Variants in SLC44A1 observed in about 807,000 individuals in gnomAD.
SLC44A1 encodes the protein choline transporter-like protein 1.
A neutral mutation model predicts 79.3 loss-of-function variants in SLC44A1; 26 were observed. The observed-to-expected ratio is 0.33, with a 90% CI of 0.24 to 0.46. SLC44A1 has a LOEUF of 0.46. Among genes scored for constraint, SLC44A1 ranks in the 20% least tolerant of loss-of-function variants. The pLI is 1.00. For missense variants in SLC44A1, 688 were observed against 798.1 expected, an observed-to-expected ratio of 0.86 and a Z score of 1.66; for synonymous variants, 263 against 286.2, an observed-to-expected ratio of 0.92 and a Z score of 0.82.
intron 3 of SLC44A1, among the ~76,000 whole-genome samples, chr9:105,332,561 GA>G (rs1826785101): frequency 6.6e-6 from 1 of 152,156 alleles, no homozygotes; most frequent in African/African-American, 2.4e-5. Context: ...TACACAGGCT[GA>G]AAAATGTGCA....
chr9:105,245,492 G>T (rs921465621), intron 1 of SLC44A1, among the ~76,000 whole-genome samples: 1 of 152,156 alleles, frequency 6.6e-6, no homozygotes, highest in Non-Finnish European at 1.5e-5. Flanking sequence ...GGCCCGCTCC[G>T]CAGACCTCGC....
intron 15 of SLC44A1, among the ~76,000 whole-genome samples, chr9:105,405,657 T>C (rs951625134): frequency 2.6e-5 from 4 of 151,832 alleles, no homozygotes; most frequent in African/African-American, 9.7e-5. Context: ...AAAAAAAAAA[T>C]TGTGGTTGTG....
At chr9:105,321,477 G>T (rs1283059382) in intron 3 of SLC44A1, among the ~76,000 whole-genome samples, 2 of 152,082 alleles carry the variant, frequency 1.3e-5, no homozygotes, top group African/African-American at 4.8e-5. Context: ...AAATAAGCAA[G>T]GACATCATCT....
intron 5 of SLC44A1, 94 bp from the exon 6 acceptor site, chr9:105,356,118 G>A (rs1283305623): frequency 7.5e-6 from 7 of 929,844 alleles, no homozygotes; most frequent in Middle Eastern, 4.8e-4. Flanking sequence ...GGAGTGTATT[G>A]CAGCCATATT....
intron 15 of SLC44A1, among the ~76,000 whole-genome samples, chr9:105,413,575 T>A (rs1829126694): frequency 6.6e-6 from 1 of 152,256 alleles, no homozygotes; most frequent in Non-Finnish European, 1.5e-5. Flanking sequence ...TCTTGCCTGA[T>A]TTCTCCACAG....
In SLC44A1 at chr9:105,413,391, G is replaced by A. The variant is rs544929671; in HGVS notation, c.1951-24890G>A. Among the ~76,000 whole-genome samples the A allele has an allele frequency of 5.3e-5, 8 of 152,162 alleles. No individual in the cohort carries two copies. In the South Asian group the frequency reaches 8.3e-4, roughly 16 times the overall value. ...TACTGGCAATTTCCAAGAAAATTTC[G>A]CCTTCCCAATATAGGTGCCGCCCAT... On this transcript the variant is annotated intron_variant, in intron 15 of 15. Coordinates refer to the SLC44A1 transcript ENST00000374724.
chr9:105,328,053 C>A (rs10991625), intron 3 of SLC44A1, among the ~76,000 whole-genome samples: 3,686 of 152,226 alleles, frequency 0.024, 48 homozygotes, highest in Middle Eastern at 0.048. Context: ...TCTTCCTTAC[C>A]TTCACTCCCC....
At chr9:105,272,171 C>T (rs1322547819) in intron 1 of SLC44A1, among the ~76,000 whole-genome samples, 1 of 152,188 alleles carries the variant, frequency 6.6e-6, no homozygotes, top group African/African-American at 2.4e-5. Context: ...AGCCTGGACT[C>T]TTTCTACTGA....
intron 15 of SLC44A1, among the ~76,000 whole-genome samples, chr9:105,435,164 A>C (rs1285452866): frequency 4.5e-5 from 5 of 110,226 alleles, no homozygotes; most frequent in African/African-American, 2.9e-4. Context: ...AAAACAAAAC[A>C]AAAAAAAAAA....
Position 105,390,324 on chromosome 9 carries a change from ACTC to A in SLC44A1, c.*1271_*1273del, listed in dbSNP as rs756036500. On this transcript the variant is annotated 3_prime_UTR_variant, in exon 16 of 16. Coordinates refer to ENST00000374720, the MANE Select transcript of SLC44A1 (RefSeq NM_080546.5). ...TAATTCATGATCTGTTTATGCGATA[ACTC>A]CTTTTTGTTACAATTTTTTTAAAAA... 4.6e-4 allele frequency: 457 copies of A among 983,024 alleles called. No homozygotes were observed. The highest frequency in any genetic ancestry group is 4.5e-4 in the Non-Finnish European group (373 of 829,174). 60.9% of individuals were successfully genotyped at this position (983,024 alleles called of 1,614,324 possible). A position where few individuals can be genotyped will look rare whatever the true frequency, so the allele number is the denominator to read the frequency against.
intron 3 of SLC44A1, among the ~76,000 whole-genome samples, chr9:105,318,176 T>C (rs1027251705): frequency 6.6e-6 from 1 of 152,144 alleles, no homozygotes; most frequent in Admixed American, 6.5e-5. Flanking sequence ...TTTATACAGG[T>C]TTTTTTGTTT....
At chr9:105,419,433 G>C (rs1829215245) in intron 15 of SLC44A1, among the ~76,000 whole-genome samples, 1 of 152,166 alleles carries the variant, frequency 6.6e-6, no homozygotes, top group Non-Finnish European at 1.5e-5. Context: ...ACAGGAAAAG[G>C]AAAACCAGTC....
At chr9:105,331,966 A>G (rs1826762860) in intron 3 of SLC44A1, among the ~76,000 whole-genome samples, 1 of 152,196 alleles carries the variant, frequency 6.6e-6, no homozygotes, top group African/African-American at 2.4e-5. Flanking sequence ...TGAATGTGAC[A>G]GTGACTAACA....
chr9:105,341,956 C>G (rs867473252), intron 4 of SLC44A1, among the ~76,000 whole-genome samples: 16 of 152,150 alleles, frequency 1.1e-4, no homozygotes, highest in African/African-American at 3.6e-4. Flanking sequence ...CTTTCCAAAA[C>G]TTATGCCCTA....
intron 15 of SLC44A1, among the ~76,000 whole-genome samples, chr9:105,402,590 G>T (rs1744658107): frequency 6.6e-6 from 1 of 152,128 alleles, no homozygotes; most frequent in African/African-American, 2.4e-5. Flanking sequence ...ATATTTATCT[G>T]TGCCAGCAAA....
Position 105,358,385 on chromosome 9 carries a change from A to G in SLC44A1, c.712A>G (p.Arg238Gly). ...ILMVIIRYIS[R>G]VLVWILTILV... ...GATGGTGATAATCAGGTATATATCAAGAGTACTTGTGTGGATCTTAACGAT... is the reference window on the plus strand; with the variant it reads ...GATGGTGATAATCAGGTATATATCAGGAGTACTTGTGTGGATCTTAACGAT... Residue 238 changes from arginine (R) to glycine (G), a missense_variant, in exon 7 of 16, where the codon AGA becomes GGA. Transcript: ENST00000374720. The G allele has an allele frequency of 6.2e-7, 1 of 1,601,098 alleles. No individual in the cohort carries two copies. Among genetic ancestry groups the G allele is most frequent in the Non-Finnish European group, 8.6e-7 (1 of 1,168,316 alleles).
intron 3 of SLC44A1, among the ~76,000 whole-genome samples, chr9:105,317,485 C>T (rs1228522513): frequency 6.6e-6 from 1 of 152,020 alleles, no homozygotes; most frequent in Non-Finnish European, 1.5e-5. Context: ...GTAAAGTCGG[C>T]TGTGGAAGGA....
chr9:105,316,223 T>C (rs1162791000), intron 3 of SLC44A1, among the ~76,000 whole-genome samples: 1 of 152,086 alleles, frequency 6.6e-6, no homozygotes, highest in Non-Finnish European at 1.5e-5. Flanking sequence ...TAGGAAGCGT[T>C]TTGAAGAGAG....
Position 105,350,712 on chromosome 9 carries a change from G to T in SLC44A1, c.500+2261G>T, listed in dbSNP as rs369605016. ...AACCAAGTTTCCTCATGTGTGAAGT[G>T]GGAATAGTCATACTCCCCTCAAGGA... On this transcript the variant is annotated intron_variant, in intron 5 of 15. Coordinates refer to ENST00000374720, the MANE Select transcript of SLC44A1 (RefSeq NM_080546.5). Among the ~76,000 whole-genome samples, 58 of 152,226 alleles carry T rather than the reference G, an allele frequency of 3.8e-4. 1 individual carries two copies. The highest frequency in any genetic ancestry group is 1.3e-3 in the African/African-American group (56 of 41,532).
Sources: gnomAD v4.1 joint callset for allele counts (sites outside exome capture counted in the v4.1 genomes callset) on GRCh38, gnomAD v4.1.1 for gene constraint, MANE v1.5 for transcripts, NCBI Gene and HGNC (gene_info 2026-07-23, HGNC 2026-07-21) for gene names.